GSTO1: variants seen among roughly 807,000 people sequenced by gnomAD.
GSTO1 encodes glutathione S-transferase omega 1.
A neutral mutation model predicts 23.8 loss-of-function variants in GSTO1; 27 were observed. The ratio of observed to expected loss-of-function variants is 1.13; its 90% confidence interval spans 0.83 to 1.56. GSTO1 has a LOEUF of 1.56. Among genes scored for constraint, GSTO1 ranks in the 40% most tolerant of loss-of-function variants. The probability of loss-of-function intolerance (pLI) is 0.00; values close to 1 mark genes in which losing one functional copy is unlikely to be tolerated. For missense variants in GSTO1, 255 were observed against 285.8 expected, an observed-to-expected ratio of 0.89 and a Z score of 0.78; for synonymous variants, 105 against 109.3, an observed-to-expected ratio of 0.96 and a Z score of 0.25.
upstream of GSTO1, chr10:104,254,787 CG>C (rs1249080306): frequency 2.7e-6 from 2 of 744,006 alleles, no homozygotes; most frequent in Admixed American, 2.0e-5. Flanking sequence ...GAAGGCACAA[CG>C]GGTGGAGCTG....
chr10:104,261,110 G>C (rs1379263685), intron 3 of GSTO1, among the ~76,000 whole-genome samples: 2 of 152,182 alleles, frequency 1.3e-5, no homozygotes, highest in East Asian at 3.8e-4. Context: ...CAGGAGAAGA[G>C]ATAAAAGGGG....
intron 4 of GSTO1, among the ~76,000 whole-genome samples, chr10:104,265,573 A>C (rs1484219371): frequency 1.3e-5 from 2 of 152,210 alleles, no homozygotes; most frequent in Non-Finnish European, 2.9e-5. Flanking sequence ...CCTCTACGAC[A>C]GTGGTTCCAT....
rs747444602 is a variant in GSTO1 at position 104,259,684 on chromosome 10, C to T, written c.252C>T (p.Tyr84=). ...AAAACAGTCAGGGTCAGCTGATCTA[C>T]GAGTCTGCCATCACCTGTGAGTACC... is the stretch of plus-strand genomic sequence containing the variant. ...VLENSQGQLI[Y]ESAITCEYLD... The change falls in exon 3 of 6, where the codon TAC becomes TAT. Residue 84 remains tyrosine, a synonymous_variant. Coordinates refer to ENST00000369713, the MANE Select transcript of GSTO1 (RefSeq NM_004832.3). 20 of 1,612,440 alleles carry T rather than the reference C, an allele frequency of 1.2e-5. No homozygotes were observed. Among genetic ancestry groups the T allele is most frequent in the Middle Eastern group, 1.7e-4 (1 of 6,052 alleles).
chr10:104,260,862 G>A (rs7083465), intron 3 of GSTO1, among the ~76,000 whole-genome samples: 11,221 of 152,202 alleles, frequency 0.074, 1,388 homozygotes, highest in African/African-American at 0.26. Context: ...TAAGATGAGG[G>A]TGAAAGAATA....
chr10:104,256,721 A>G lies in GSTO1; in HGVS notation c.143+1450A>G, dbSNP rs578121416. On this transcript the variant is annotated intron_variant, in intron 2 of 5. Coordinates refer to ENST00000369713, the MANE Select transcript of GSTO1 (RefSeq NM_004832.3). The stretch of plus-strand genomic sequence containing the variant: ...TTCCAACTTGCTGTGGCAGGTGTGT[A>G]GACTTGTTGGCTCACAATGCCAGCT... Among the ~76,000 whole-genome samples, 11 of 152,308 alleles carry G rather than the reference A, an allele frequency of 7.2e-5. No homozygotes were observed. In the East Asian group the frequency reaches 1.9e-3, roughly 27 times the overall value.
In GSTO1 at chr10:104,255,178, G is replaced by A; in HGVS notation, c.50G>A (p.Gly17Glu). 6.2e-7 allele frequency: 1 copy of A among 1,613,576 alleles called. No individual in the cohort carries two copies. The highest frequency in any genetic ancestry group is 2.2e-5 in the East Asian group (1 of 44,856). The change falls in exon 2 of 6, where the codon GGG becomes GAG. Residue 17 changes from glycine (G) to glutamate (E), a missense_variant. Physicochemically the swap from Gly to Glu is moderately conservative, Grantham distance 98. Coordinates refer to ENST00000369713, the MANE Select transcript of GSTO1 (RefSeq NM_004832.3). ...RSLGKGSAPP[G>E]PVPEGSIRIY... Reference sequence around the variant, plus strand: ...TCCCCGGCAGGAAGCGCGCCCCCGGGGCCGGTCCCGGAGGGCTCGATCCGC... The same window carrying A: ...TCCCCGGCAGGAAGCGCGCCCCCGGAGCCGGTCCCGGAGGGCTCGATCCGC...
chr10:104,266,055 G>T, intron 4 of GSTO1, 29 bp from the exon 5 acceptor site: 5 of 1,171,368 alleles, frequency 4.3e-6, no homozygotes, highest in South Asian at 2.4e-5. Flanking sequence ...GCACAAGTAA[G>T]AAATACTTTT....
intron 3 of GSTO1, 52 bp downstream of exon 3, chr10:104,259,850 C>A: frequency 8.7e-7 from 1 of 1,150,030 alleles, no homozygotes; most frequent in Non-Finnish European, 1.3e-6. Context: ...TTTTTTAAAG[C>A]GAAATCAGTG....
rs372051202 is a variant in GSTO1, at chr10:104,257,972, G to T, written c.144-1604G>T. 6.6e-4 allele frequency among the ~76,000 whole-genome samples: 101 copies of T among 152,206 alleles called. 1 individual carries two copies. In the South Asian group the frequency reaches 0.02, roughly 31 times the overall value. ...TAGCATTTTGCTCATTTACATGTTT[G>T]TTTATTACTATGAACAGATACACAA... On this transcript the variant is annotated intron_variant, in intron 2 of 5. Coordinates refer to ENST00000369713, the MANE Select transcript of GSTO1 (RefSeq NM_004832.3).
chr10:104,255,419 G>T, intron 2 of GSTO1, 148 bp downstream of exon 2: 1 of 610,562 alleles, frequency 1.6e-6, no homozygotes. Flanking sequence ...TTGGAAAATA[G>T]CAAGTTATAG....
At position 104,259,622 on chromosome 10, in the gene GSTO1, T is replaced by C. The variant is rs762588581; in HGVS notation, c.190T>C (p.Phe64Leu). 2.5e-6 allele frequency: 4 copies of C among 1,613,508 alleles called. No individual in the cohort carries two copies. In the African/African-American group the frequency reaches 5.3e-5, roughly 22 times the overall value. ...CCTGAAAAATAAGCCTGAGTGGTTC[T>C]TTAAGAAAAATCCCTTTGGTCTGGT... is the stretch of plus-strand genomic sequence containing the variant. ...INLKNKPEWFFKKNPFGLVPV... is the reference protein window; with the variant it reads ...INLKNKPEWFLKKNPFGLVPV... The change falls in exon 3 of 6, where the codon TTT (phenylalanine) becomes CTT (leucine). Residue 64 changes from phenylalanine to leucine, a missense_variant. Transcript: ENST00000369713.
chr10:104,259,571 T>C lies in GSTO1; in HGVS notation c.144-5T>C. The C allele has an allele frequency of 6.3e-7, 1 of 1,575,112 alleles. No homozygotes were observed. Among genetic ancestry groups the C allele is most frequent in the Non-Finnish European group, 8.7e-7 (1 of 1,145,130 alleles). On this transcript the variant is annotated splice_region_variant and splice_polypyrimidine_tract_variant and intron_variant, in intron 2 of 5. Coordinates refer to ENST00000369713, the MANE Select transcript of GSTO1 (RefSeq NM_004832.3). ...TCTCTTCATAGTCTCCTATGTGTCTTTCAGGCATGAAGTCATCAATATCAA... is the reference window on the plus strand; with the variant it reads ...TCTCTTCATAGTCTCCTATGTGTCTCTCAGGCATGAAGTCATCAATATCAA...
At chr10:104,259,461 G>A (rs1420259641) in intron 2 of GSTO1, 115 bp from the exon 3 acceptor site, 7 of 636,814 alleles carry the variant, frequency 1.1e-5, no homozygotes, top group Non-Finnish European at 2.0e-5. Flanking sequence ...AGGAATCTAG[G>A]CAGACTCCTA....
chr10:104,257,916 TTTTA>T (rs527385894), intron 2 of GSTO1, among the ~76,000 whole-genome samples: 3 of 152,224 alleles, frequency 2.0e-5, no homozygotes, highest in Non-Finnish European at 4.4e-5. Context: ...ATTTGAAACT[TTTTA>T]TTTTCTTCAG....
chr10:104,256,896 T>G (rs2011103967), intron 2 of GSTO1, among the ~76,000 whole-genome samples: 1 of 152,190 alleles, frequency 6.6e-6, no homozygotes, highest in Non-Finnish European at 1.5e-5. Flanking sequence ...ATTTTTTTTT[T>G]TTTTGCAATG....
rs888579750 is a variant in GSTO1 at position 104,255,062 on chromosome 10, G to T, written c.34+100G>T. The T allele has an allele frequency of 3.5e-6, 5 of 1,447,094 alleles. No homozygotes were observed. In the Admixed American group the frequency reaches 9.5e-5, roughly 28 times the overall value. 89.6% of individuals were successfully genotyped at this position (1,447,094 alleles called of 1,614,324 possible). On this transcript the variant is annotated intron_variant, in intron 1 of 5. Transcript: ENST00000369713. ...CCAGCCGCCCGGGAGCGCCCCACCG[G>T]CGGGGAACGGGTCGGAGCTGCAGTG...
chr10:104,261,331 C>A (rs1369583909), intron 3 of GSTO1, among the ~76,000 whole-genome samples: 2 of 152,154 alleles, frequency 1.3e-5, no homozygotes, highest in Non-Finnish European at 2.9e-5. Flanking sequence ...ACCTTTACTT[C>A]CCTGCTTGGG....
chr10:104,266,061 CT>C (rs1458104305), intron 4 of GSTO1, 22 bp from the exon 5 acceptor site: 1 of 1,224,192 alleles, frequency 8.2e-7, no homozygotes, highest in Non-Finnish European at 1.2e-6. Context: ...GTAAGAAATA[CT>C]TTTATGCTGT....
chr10:104,255,201 C>T lies in GSTO1; in HGVS notation c.73C>T (p.Arg25Cys). The change falls in exon 2 of 6, where the codon CGC becomes TGC. Residue 25 changes from arginine (R) to cysteine (C), a missense_variant. Coordinates refer to ENST00000369713, the MANE Select transcript of GSTO1 (RefSeq NM_004832.3). ...PPGPVPEGSI[R>C]IYSMRFCPFA... Reference sequence around the variant, plus strand: ...GGGGCCGGTCCCGGAGGGCTCGATCCGCATCTACAGCATGAGGTTCTGCCC... The same window carrying T: ...GGGGCCGGTCCCGGAGGGCTCGATCTGCATCTACAGCATGAGGTTCTGCCC... 6.2e-7 allele frequency: 1 copy of T among 1,613,910 alleles called. No homozygotes were observed. The highest frequency in any genetic ancestry group is 8.5e-7 in the Non-Finnish European group (1 of 1,179,842).
Sources: gnomAD v4.1 joint callset for allele counts (sites outside exome capture counted in the v4.1 genomes callset) on GRCh38, gnomAD v4.1.1 for gene constraint, MANE v1.5 for transcripts, NCBI Gene and HGNC (gene_info 2026-07-23, HGNC 2026-07-21) for gene names.